PYHIN1: variants seen among roughly 807,000 people sequenced by gnomAD.
PYHIN1 encodes the protein pyrin and HIN domain-containing protein 1.
In PYHIN1, 32 loss-of-function variants were observed where a neutral mutation model predicts 43.7. That is an observed-to-expected ratio of 0.73 (90% confidence interval 0.55 to 0.98). The LOEUF (loss-of-function observed/expected upper bound fraction) is 0.98, where lower values mean the gene tolerates loss of function less well. Ranked by LOEUF, PYHIN1 falls within the 50% of genes least tolerant of loss-of-function variation. The pLI, the probability that PYHIN1 is intolerant of heterozygous loss-of-function variation, is 0.00. For synonymous variants in PYHIN1, 205 were observed against 203.1 expected, an observed-to-expected ratio of 1.01 and a Z score of -0.08; for missense variants, 588 against 589.5, an observed-to-expected ratio of 1.00 and a Z score of 0.03.
At chr1:158,988,651 T>G in the PYHIN1 span, among the ~76,000 whole-genome samples, 8 of 152,204 alleles carry the variant, frequency 5.3e-5, no homozygotes, top group East Asian at 1.4e-3. Flanking sequence ...AAAAGTAGAC[T>G]CTGTAAGTGA....
chr1:158,933,585 T>C lies in PYHIN1; in HGVS notation c.-21+1809T>C, dbSNP rs1648302874. Among the ~76,000 whole-genome samples, 1 of 152,114 alleles carries C rather than the reference T, an allele frequency of 6.6e-6. No homozygotes were observed. The highest frequency in any genetic ancestry group is 2.1e-4 in the South Asian group (1 of 4,828). Reference sequence around the variant, plus strand: ...ATTTTAAATCAAATTTGATAAAAGTTGTCATTTAACTAGTTAACCTCTTTA... The same window carrying C: ...ATTTTAAATCAAATTTGATAAAAGTCGTCATTTAACTAGTTAACCTCTTTA... On this transcript the variant is annotated intron_variant, in intron 1 of 8. Coordinates refer to ENST00000368140, the MANE Select transcript of PYHIN1 (RefSeq NM_152501.5). This position sits in a 1 kb window ranked among gnomAD's most constrained non-coding sequence, Gnocchi z 6.3.
In PYHIN1 at chr1:158,942,244, G is replaced by A. The variant is rs1648967137; in HGVS notation, c.847G>A (p.Val283Met). 3.1e-6 allele frequency: 5 copies of A among 1,613,952 alleles called. No homozygotes were observed. Among genetic ancestry groups the A allele is most frequent in the Admixed American group, 3.3e-5 (2 of 59,996 alleles). The change falls in exon 5 of 9, where the codon GTG becomes ATG. Residue 283 changes from valine (V) to methionine (M), a missense_variant. Coordinates refer to ENST00000368140, the MANE Select transcript of PYHIN1 (RefSeq NM_152501.5). ...TTCCAAACGTAATAGTCTCCTAGAG[G>A]TGAATGAAGCCTCTTCTGTATCTGA... ...NYSKRNSLLE[V>M]NEASSVSEAG... is the part of the protein sequence containing the mutation.
At chr1:158,964,482 G>T (rs1279748049) in intron 7 of PYHIN1, among the ~76,000 whole-genome samples, 1 of 151,960 alleles carries the variant, frequency 6.6e-6, no homozygotes, top group Non-Finnish European at 1.5e-5. Context: ...AGAGAGAAGG[G>T]GCAGGTCACT....
At chr1:158,966,411 C>A (rs1650636814) in intron 7 of PYHIN1, among the ~76,000 whole-genome samples, 1 of 151,802 alleles carries the variant, frequency 6.6e-6, no homozygotes, top group African/African-American at 2.4e-5. Flanking sequence ...AAGGCAGAGA[C>A]ACAACAAAAA....
chr1:158,959,801 G>A (rs1571764763), intron 7 of PYHIN1, among the ~76,000 whole-genome samples: 1 of 152,102 alleles, frequency 6.6e-6, no homozygotes, highest in East Asian at 1.9e-4. Flanking sequence ...AAGCTCAGAT[G>A]GTAGGTAGAG....
chr1:158,944,362 A>G lies in PYHIN1; in HGVS notation c.1191+384A>G, dbSNP rs555272345. 9.2e-5 allele frequency among the ~76,000 whole-genome samples: 14 copies of G among 152,342 alleles called. 1 individual carries two copies. In the South Asian group the frequency reaches 2.9e-3, roughly 32 times the overall value. Reference sequence around the variant, plus strand: ...CCTCACACAATTGGTTTGAAAATTAAATGAGATCATGGATATACATTTTGT... The same window carrying G: ...CCTCACACAATTGGTTTGAAAATTAGATGAGATCATGGATATACATTTTGT... On this transcript the variant is annotated intron_variant, in intron 6 of 8. Transcript: ENST00000368140.
intron 7 of PYHIN1, among the ~76,000 whole-genome samples, chr1:158,963,448 C>G (rs914667599): frequency 3.0e-4 from 45 of 152,166 alleles, no homozygotes; most frequent in African/African-American, 8.4e-4. Flanking sequence ...TCTGCTGCAG[C>G]CTTCAAGCTG....
At chr1:158,978,364 C>A (rs557152817), downstream of PYHIN1, among the ~76,000 whole-genome samples, 1 of 151,700 alleles carries the variant, frequency 6.6e-6, no homozygotes, top group Non-Finnish European at 1.5e-5. Flanking sequence ...CGAATTTTTT[C>A]CTCATGTGCA....
chr1:158,984,405 CA>C, the PYHIN1 span, among the ~76,000 whole-genome samples: 1 of 152,020 alleles, frequency 6.6e-6, no homozygotes, highest in African/African-American at 2.4e-5. Flanking sequence ...ATTTATTACC[CA>C]AAAGTCATTC....
intron 4 of PYHIN1, among the ~76,000 whole-genome samples, chr1:158,941,175 T>C (rs1557825845): frequency 6.6e-6 from 1 of 152,216 alleles, no homozygotes; most frequent in Non-Finnish European, 1.5e-5. Flanking sequence ...GGTTTGTGAA[T>C]GAAACAAACC....
intron 4 of PYHIN1, among the ~76,000 whole-genome samples, chr1:158,940,646 T>C (rs1287802041): frequency 1.3e-5 from 2 of 152,254 alleles, no homozygotes; most frequent in Non-Finnish European, 2.9e-5. Context: ...GGATCAATTA[T>C]GAAGGGCAAC....
At chr1:158,978,163 G>A (rs1651358370), downstream of PYHIN1, among the ~76,000 whole-genome samples, 1 of 151,882 alleles carries the variant, frequency 6.6e-6, no homozygotes, top group African/African-American at 2.4e-5. Flanking sequence ...TCTTTTATCA[G>A]ACATAAAGGT....
chr1:158,962,187 A>G (rs1281563720), intron 7 of PYHIN1, among the ~76,000 whole-genome samples: 1 of 152,170 alleles, frequency 6.6e-6, no homozygotes, highest in African/African-American at 2.4e-5. Context: ...AGACTGTTTT[A>G]TACGTGGATT....
At chr1:158,962,651 C>G (rs923861040) in intron 7 of PYHIN1, among the ~76,000 whole-genome samples, 1 of 152,154 alleles carries the variant, frequency 6.6e-6, no homozygotes, top group African/African-American at 2.4e-5. Flanking sequence ...TGCTCTCGAG[C>G]TGGGAAAGAA....
intron 7 of PYHIN1, among the ~76,000 whole-genome samples, chr1:158,965,382 C>T (rs1406069714): frequency 1.3e-5 from 2 of 152,114 alleles, no homozygotes; most frequent in African/African-American, 2.4e-5. Context: ...GCACTCAATA[C>T]TTGACAAGAT....
chr1:158,965,272 A>G (rs1315985102), intron 7 of PYHIN1, among the ~76,000 whole-genome samples: 1 of 152,218 alleles, frequency 6.6e-6, no homozygotes, highest in Non-Finnish European at 1.5e-5. Context: ...AGAGACTTAG[A>G]GTCACATACA....
intron 8 of PYHIN1, among the ~76,000 whole-genome samples, chr1:158,975,697 AG>A (rs1468569460): frequency 5.9e-5 from 9 of 152,108 alleles, no homozygotes; most frequent in African/African-American, 2.2e-4. Context: ...GCTCTAGACA[AG>A]TTAAGTTTGA....
the PYHIN1 span, among the ~76,000 whole-genome samples, chr1:158,984,445 T>C: frequency 6.6e-6 from 1 of 152,196 alleles, no homozygotes; most frequent in Non-Finnish European, 1.5e-5. Flanking sequence ...TTCCAAATAC[T>C]TCTATGATTT....
downstream of PYHIN1, among the ~76,000 whole-genome samples, chr1:158,980,851 T>C (rs1014973644): frequency 1.4e-4 from 21 of 152,132 alleles, no homozygotes; most frequent in Non-Finnish European, 4.4e-5. Context: ...TTAAAGCATG[T>C]TATCTTTGTA....
Sources: allele counts gnomAD v4.1 joint callset (sites outside exome capture counted in the v4.1 genomes callset), GRCh38; gene constraint gnomAD v4.1.1; non-coding constraint Gnocchi (gnomAD v3.1); transcripts MANE v1.5; gene names NCBI Gene and HGNC (gene_info 2026-07-23, HGNC 2026-07-21).